Variants in ANO6 observed in about 807,000 individuals in gnomAD.
ANO6 encodes the protein anoctamin-6.
Under a neutral mutation model 117.5 loss-of-function variants are expected in ANO6, and 106 were observed. The observed-to-expected ratio is 0.90, with a 90% CI of 0.77 to 1.06. The LOEUF is 1.06. Ranked by LOEUF, ANO6 falls within the 50% of genes least tolerant of loss-of-function variation. ANO6 has a pLI of 0.00. For missense variants in ANO6, 955 were observed against 1,121.1 expected (o/e 0.85, Z 2.12); for synonymous variants, 367 against 385.1 (o/e 0.95, Z 0.55).
chr12:45,235,434 G>C (rs1026700482), intron 1 of ANO6, among the ~76,000 whole-genome samples: 1 of 152,156 alleles, frequency 6.6e-6, no homozygotes, highest in Non-Finnish European at 1.5e-5. Context: ...AGCTTGGCAC[G>C]TAAGAAAGAT....
intron 2 of ANO6, among the ~76,000 whole-genome samples, chr12:45,329,908 T>C (rs972855400): frequency 6.6e-6 from 1 of 152,128 alleles, no homozygotes; most frequent in Admixed American, 6.6e-5. Flanking sequence ...CATTTTCATA[T>C]AGTTTTAAAT....
At chr12:45,318,605 G>A (rs1388441528) in intron 2 of ANO6, among the ~76,000 whole-genome samples, 7 of 152,064 alleles carry the variant, frequency 4.6e-5, no homozygotes, top group East Asian at 3.9e-4. Context: ...TTGGCAATGC[G>A]GGCTTTTTTT....
chr12:45,359,933 T>A (rs1309735013), intron 8 of ANO6, among the ~76,000 whole-genome samples: 1 of 152,210 alleles, frequency 6.6e-6, no homozygotes. Flanking sequence ...CACATCCTCA[T>A]CAGCACTTAA....
chr12:45,439,155 G>A (rs1943742170), intron 19 of ANO6, among the ~76,000 whole-genome samples: 1 of 152,190 alleles, frequency 6.6e-6, no homozygotes, highest in Admixed American at 6.5e-5. Flanking sequence ...TCACCTGTGT[G>A]TCTTGAGTAT....
chr12:45,301,248 T>A (rs542998446), intron 1 of ANO6, among the ~76,000 whole-genome samples: 23 of 151,360 alleles, frequency 1.5e-4, no homozygotes, highest in African/African-American at 5.1e-4. Flanking sequence ...TCTTTTTTTT[T>A]AAAAACGTCT....
Position 45,416,740 on chromosome 12 carries a change from C to A in ANO6, c.2053C>A (p.Pro685Thr), listed in dbSNP as rs1230854364. The part of the protein sequence containing the change: ...GFVTLFVASF[P>T]LAPLLALVNN... Reference sequence around the variant, plus strand: ...CGTCACCTTATTTGTGGCCTCTTTTCCACTGGCCCCTCTGTTGGCTCTCGT... The same window carrying A: ...CGTCACCTTATTTGTGGCCTCTTTTACACTGGCCCCTCTGTTGGCTCTCGT... The change falls in exon 17 of 20, where the codon CCA becomes ACA. Residue 685 changes from proline to threonine, a missense_variant. Transcript: ENST00000320560. 1 of 1,614,128 alleles carries A rather than the reference C, an allele frequency of 6.2e-7. No individual in the cohort carries two copies. Among genetic ancestry groups the A allele is most frequent in the Middle Eastern group, 1.6e-4 (1 of 6,062 alleles).
intron 9 of ANO6, among the ~76,000 whole-genome samples, chr12:45,373,149 CAAG>C (rs1487218124): frequency 3.9e-5 from 6 of 152,120 alleles, no homozygotes; most frequent in Non-Finnish European, 8.8e-5. Context: ...ATCAATTCAA[CAAG>C]AAGAGCTAAC....
downstream of ANO6, among the ~76,000 whole-genome samples, chr12:45,435,922 T>G (rs188890659): frequency 6.6e-6 from 1 of 152,312 alleles, no homozygotes; most frequent in Admixed American, 6.5e-5. Context: ...GGCCAGAGCT[T>G]ATATAAAAAT....
chr12:45,409,446 C>T lies in ANO6; in HGVS notation c.1970C>T (p.Pro657Leu). The T allele has an allele frequency of 6.2e-7, 1 of 1,613,924 alleles. No homozygotes were observed. The highest frequency in any genetic ancestry group is 8.5e-7 in the Non-Finnish European group (1 of 1,179,942). Reference protein sequence around the residue: ...PRWEQDYHLQPMGKLGLFYEY... With the variant: ...PRWEQDYHLQLMGKLGLFYEY... ...TGGGAACAGGACTACCATCTGCAGC[C>T]TATGGGCAAACTGGGATTATTTTAT... is the stretch of plus-strand genomic sequence containing the variant. Residue 657 changes from proline (P) to leucine (L), a missense_variant, in exon 16 of 20, where the codon CCT becomes CTT. Coordinates refer to ENST00000320560, the MANE Select transcript of ANO6 (RefSeq NM_001025356.3).
intron 1 of ANO6, among the ~76,000 whole-genome samples, chr12:45,222,734 G>T (rs1302687777): frequency 6.6e-6 from 1 of 152,070 alleles, no homozygotes; most frequent in Non-Finnish European, 1.5e-5. Flanking sequence ...TGCCCATAAA[G>T]AAATTCTCCC....
At chr12:45,223,027 G>T (rs1345550164) in intron 1 of ANO6, among the ~76,000 whole-genome samples, 4 of 152,248 alleles carry the variant, frequency 2.6e-5, no homozygotes, top group African/African-American at 9.6e-5. Context: ...CCTGAAGGTA[G>T]CTTGCCCTGG....
intron 1 of ANO6, among the ~76,000 whole-genome samples, chr12:45,218,649 T>C (rs185976684): frequency 7.2e-5 from 11 of 152,288 alleles, no homozygotes; most frequent in Non-Finnish European, 1.5e-4. Context: ...AGTTTATGCC[T>C]TTACAAAAGA....
At chr12:45,391,986 T>A (rs1372221363) in intron 12 of ANO6, among the ~76,000 whole-genome samples, 2 of 152,212 alleles carry the variant, frequency 1.3e-5, no homozygotes, top group Non-Finnish European at 2.9e-5. Context: ...CTGGTTCATC[T>A]CATTGGGATT....
chr12:45,276,548 C>CA (rs1373146927), intron 1 of ANO6, among the ~76,000 whole-genome samples: 3 of 152,092 alleles, frequency 2.0e-5, no homozygotes, highest in Non-Finnish European at 1.5e-5. Flanking sequence ...CTTCATGTCT[C>CA]AAATATCACC....
At chr12:45,338,187 A>G (rs1161905867) in intron 3 of ANO6, among the ~76,000 whole-genome samples, 1 of 152,066 alleles carries the variant, frequency 6.6e-6, no homozygotes, top group Non-Finnish European at 1.5e-5. Flanking sequence ...TTTCATCACA[A>G]TAAAAACAAA....
In ANO6 at chr12:45,271,246, G is replaced by A. The variant is rs760776631; in HGVS notation, c.71-30768G>A. 1.5e-3 allele frequency among the ~76,000 whole-genome samples: 230 copies of A among 152,256 alleles called. 1 individual carries two copies. The highest frequency in any genetic ancestry group is 8.4e-4 in the Non-Finnish European group (57 of 68,028). On this transcript the variant is annotated intron_variant, in intron 1 of 19. Coordinates refer to ENST00000320560, the MANE Select transcript of ANO6 (RefSeq NM_001025356.3). ...CTTCGAATAACATACAAATGTATAT[G>A]GCATAACAAAAGGGAGTATTGTGGC... is the stretch of plus-strand genomic sequence containing the variant.
chr12:45,273,085 A>T (rs1337456999), intron 1 of ANO6, among the ~76,000 whole-genome samples: 1 of 152,214 alleles, frequency 6.6e-6, no homozygotes, highest in Non-Finnish European at 1.5e-5. Context: ...GACCTCACTT[A>T]CATGTGAAAT....
chr12:45,383,524 T>C (rs1485796745), intron 10 of ANO6, among the ~76,000 whole-genome samples: 1 of 152,040 alleles, frequency 6.6e-6, no homozygotes, highest in Non-Finnish European at 1.5e-5. Context: ...GCTGTGGCCT[T>C]ACTAAATGTA....
At chr12:45,323,933 G>GTTTT (rs1940370873) in intron 2 of ANO6, among the ~76,000 whole-genome samples, 1 of 106,508 alleles carries the variant, frequency 9.4e-6, no homozygotes, top group Non-Finnish European at 2.0e-5. Context: ...TGTTGTTGTT[G>GTTTT]TATTTTTTTT....
Sources: allele counts gnomAD v4.1 joint callset (sites outside exome capture counted in the v4.1 genomes callset), GRCh38; gene constraint gnomAD v4.1.1; transcripts MANE v1.5; gene names NCBI Gene and HGNC (gene_info 2026-07-23, HGNC 2026-07-21).